Variants in AGO3 observed in about 807,000 individuals in gnomAD.
The protein encoded by AGO3 is argonaute RISC catalytic component 3.
Under a neutral mutation model 105.5 loss-of-function variants are expected in AGO3, and 16 were observed. The ratio of observed to expected loss-of-function variants is 0.15; its 90% CI spans 0.10 to 0.23. The LOEUF (loss-of-function observed/expected upper bound fraction) is 0.23. AGO3 is among the 10% of genes least tolerant of loss of function. The pLI, the probability that AGO3 is intolerant of heterozygous loss-of-function variation, is 1.00. For missense variants in AGO3, 534 were observed against 1,088.0 expected (o/e 0.49, Z 7.16); for synonymous variants, 340 against 367.3 (o/e 0.93, Z 0.85).
chr1:36,034,432 C>T, intron 13 of AGO3, 99 bp downstream of exon 13: 1 of 811,316 alleles, frequency 1.2e-6, no homozygotes, highest in Non-Finnish European at 1.7e-6. Flanking sequence ...TAAGAGACCC[C>T]CTTAATAATT....
At chr1:36,028,595 G>T (rs71640848) in intron 12 of AGO3, among the ~76,000 whole-genome samples, 1 of 150,922 alleles carries the variant, frequency 6.6e-6, no homozygotes, top group South Asian at 2.1e-4. Context: ...TTATGGCTGC[G>T]TAGTATTCCA....
chr1:35,974,352 C>T (rs1646920094), intron 5 of AGO3, among the ~76,000 whole-genome samples: 1 of 152,024 alleles, frequency 6.6e-6, no homozygotes, highest in East Asian at 1.9e-4. Context: ...CATTTCCTTT[C>T]CTGTTTTCTT....
intron 5 of AGO3, among the ~76,000 whole-genome samples, chr1:36,002,324 A>AT (rs375411955): frequency 0.07 from 8,288 of 119,182 alleles, 723 homozygotes; most frequent in African/African-American, 0.18. Flanking sequence ...AGCCAAGATA[A>AT]TTTTTTTTTT....
rs1487948810 is a variant in AGO3 at position 35,973,402 on chromosome 1, C to T, written c.549C>T (p.Phe183=). ...ACACACCTGTGGGGCGTTCATTTTT[C>T]TCCGCTCCAGAAGGATATGACCACC... ...MKYTPVGRSF[F]SAPEGYDHPL... Residue 183 remains phenylalanine (F), a synonymous_variant, in exon 5 of 19, where the codon TTC becomes TTT. Coordinates refer to ENST00000373191, the MANE Select transcript of AGO3 (RefSeq NM_024852.4). 1.3e-6 allele frequency: 2 copies of T among 1,583,854 alleles called. No homozygotes were observed. The highest frequency in any genetic ancestry group is 1.3e-5 in the African/African-American group (1 of 74,142).
chr1:35,959,601 G>C (rs1425494848), intron 2 of AGO3, among the ~76,000 whole-genome samples: 1 of 152,058 alleles, frequency 6.6e-6, no homozygotes, highest in Admixed American at 6.5e-5. Context: ...CTTACGGTAA[G>C]CTAAGAACTT....
intron 5 of AGO3, among the ~76,000 whole-genome samples, chr1:35,982,436 C>G (rs1207644169): frequency 1.3e-5 from 2 of 152,026 alleles, no homozygotes; most frequent in Non-Finnish European, 2.9e-5. Flanking sequence ...AAAAAAGCAT[C>G]AGTGACATAA....
chr1:35,970,479 T>G lies in AGO3; in HGVS notation c.313-1545T>G, dbSNP rs964585899. ...GCTCAGTCCTACAGTACATATAAAATAGTTTGTGAGAAAACAAACCTACTA... is the reference window on the plus strand; with the variant it reads ...GCTCAGTCCTACAGTACATATAAAAGAGTTTGTGAGAAAACAAACCTACTA... On this transcript the variant is annotated intron_variant, in intron 3 of 18. Transcript: ENST00000373191. 2.0e-5 allele frequency among the ~76,000 whole-genome samples: 3 copies of G among 152,140 alleles called. 1 individual carries two copies. The highest frequency in any genetic ancestry group is 1.3e-4 in the Admixed American group (2 of 15,262).
Position 36,040,345 on chromosome 1 carries a change from C to T in AGO3, c.2076C>T (p.Cys692=). The T allele has an allele frequency of 6.2e-7, 1 of 1,613,736 alleles. No homozygotes were observed. Among genetic ancestry groups the T allele is most frequent in the Non-Finnish European group, 8.5e-7 (1 of 1,179,706 alleles). Residue 692 remains cysteine, a synonymous_variant, in exon 16 of 19, where the codon TGC becomes TGT. Coordinates refer to ENST00000373191, the MANE Select transcript of AGO3 (RefSeq NM_024852.4). ...YYELLAIREA[C]ISLEKDYQPG... ...AACTACTAGCAATTCGAGAAGCCTGCATCAGTTTGGAGAAAGACTATCAAC... is the reference window on the plus strand; with the variant it reads ...AACTACTAGCAATTCGAGAAGCCTGTATCAGTTTGGAGAAAGACTATCAAC...
intron 14 of AGO3, among the ~76,000 whole-genome samples, chr1:36,038,084 A>G (rs1291977846): frequency 6.6e-6 from 1 of 152,134 alleles, no homozygotes; most frequent in African/African-American, 2.4e-5. Context: ...GCCACATAGT[A>G]TAATAGGTGT....
intron 1 of AGO3, among the ~76,000 whole-genome samples, chr1:35,942,405 T>G (rs1646271909): frequency 6.6e-6 from 1 of 152,210 alleles, no homozygotes; most frequent in Non-Finnish European, 1.5e-5. Flanking sequence ...GCATCATAAA[T>G]TGTATTGGGG....
chr1:35,978,156 TTGA>T lies in AGO3; in HGVS notation c.658+4649_658+4651del, dbSNP rs1646985093. Among the ~76,000 whole-genome samples the T allele has an allele frequency of 3.3e-5, 5 of 152,202 alleles. No individual in the cohort carries two copies. In the East Asian group the frequency reaches 5.8e-4, roughly 18 times the overall value. ...ATACTTGAATCAATGAAATAAAATC[TTGA>T]TGAACTCTTTCTAGAGATGTAAGGT... On this transcript the variant is annotated intron_variant, in intron 5 of 18. Transcript: ENST00000373191.
intron 11 of AGO3, among the ~76,000 whole-genome samples, chr1:36,020,647 G>T (rs917663627): frequency 2.0e-5 from 3 of 151,728 alleles, no homozygotes; most frequent in Non-Finnish European, 4.4e-5. Context: ...ACGGAATCTC[G>T]CTCTGTCATC....
chr1:36,007,302 A>G (rs534886165), intron 6 of AGO3, among the ~76,000 whole-genome samples: 1 of 152,214 alleles, frequency 6.6e-6, no homozygotes, highest in Non-Finnish European at 1.5e-5. Flanking sequence ...GTCTAGGCCA[A>G]ACTTTAGAAA....
At chr1:36,023,402 C>T (rs1641338939) in intron 11 of AGO3, among the ~76,000 whole-genome samples, 1 of 152,206 alleles carries the variant, frequency 6.6e-6, no homozygotes, top group Non-Finnish European at 1.5e-5. Context: ...TTAAATTTAA[C>T]AGAGTTTAAT....
intron 2 of AGO3, among the ~76,000 whole-genome samples, chr1:35,954,030 T>C (rs1027678397): frequency 3.3e-5 from 5 of 152,210 alleles, no homozygotes; most frequent in Non-Finnish European, 1.5e-5. Context: ...TGTGATTTTG[T>C]TGTCATATCT....
chr1:36,013,811 A>G (rs911964144), intron 10 of AGO3, 59 bp downstream of exon 10: 7 of 1,602,078 alleles, frequency 4.4e-6, no homozygotes, highest in Non-Finnish European at 5.1e-6. Context: ...ATGAAGAGAA[A>G]GGCATATCAG....
rs3073806 is a variant in AGO3, at chr1:36,046,623, TAAAA to T, written c.2274+3104_2274+3107del. ...AACAGAGTGAGACTCAGTCTCTATT[TAAAA>T]AAAAAAAAAAAAAAAAAAAAAAAAA... On this transcript the variant is annotated intron_variant, in intron 17 of 18. Transcript: ENST00000373191. 3.8e-4 allele frequency among the ~76,000 whole-genome samples: 13 copies of T among 34,466 alleles called. No individual in the cohort carries two copies. The East Asian group carries it at 4.6e-3, about 12-fold the overall frequency. 22.6% of individuals were successfully genotyped at this position (34,466 alleles called of 152,430 possible).
Position 35,972,024 on chromosome 1 carries a change from G to A in AGO3, c.313G>A (p.Val105Ile), listed in dbSNP as rs1646879338. 6.2e-7 allele frequency: 1 copy of A among 1,613,368 alleles called. No homozygotes were observed. Among genetic ancestry groups the A allele is most frequent in the African/African-American group, 1.3e-5 (1 of 74,970 alleles). Reference protein sequence around the residue: ...ANPLPVATTGVDLDVTLPGEG... With the variant: ...ANPLPVATTGIDLDVTLPGEG... ...CAGTTGACTCTTTTCCCATCAACAG[G>A]TAGATTTAGACGTTACTTTACCTGG... The change falls in exon 4 of 19, where the codon GTA (valine) becomes ATA (isoleucine). Residue 105 changes from valine (V) to isoleucine (I), a missense_variant and splice_region_variant. Val to Ile is a conservative substitution (Grantham distance 29). Around this residue, in one of 2 missense-constraint regions of AGO3, gnomAD observed 161 missense variants for 234.0 expected, o/e 0.69. Transcript: ENST00000373191.
In AGO3 at chr1:36,007,518, G is replaced by A. The variant is rs1025036645; in HGVS notation, c.794-1172G>A. Among the ~76,000 whole-genome samples the A allele has an allele frequency of 7.2e-5, 11 of 152,106 alleles. No individual in the cohort carries two copies. The South Asian group carries it at 8.3e-4, about 11-fold the overall frequency. ...TCAAGACCAGCCTGGCCAACATGGC[G>A]AAACCCCATCTCTACTAAAAATATA... On this transcript the variant is annotated intron_variant, in intron 6 of 18. Transcript: ENST00000373191.
Sources: allele counts gnomAD v4.1 joint callset (sites outside exome capture counted in the v4.1 genomes callset), GRCh38; gene constraint gnomAD v4.1.1; regional missense constraint gnomAD v4.1.1; transcripts MANE v1.5; gene names NCBI Gene and HGNC (gene_info 2026-07-23, HGNC 2026-07-21).